TBC1D8: variants seen among roughly 807,000 people sequenced by gnomAD.
TBC1D8 encodes the protein BUB2-like protein 1.
TBC1D8 carries 65 observed loss-of-function variants against 118.8 expected under a neutral mutation model. The observed-to-expected ratio is 0.55, with a 90% CI of 0.45 to 0.67. The LOEUF (loss-of-function observed/expected upper bound fraction) is 0.67, where lower values mean the gene tolerates loss of function less well. Ranked by LOEUF, TBC1D8 falls within the 30% of genes least tolerant of loss-of-function variation. The pLI is 0.00. For synonymous variants in TBC1D8, 566 were observed against 595.8 expected, an observed-to-expected ratio of 0.95 and a Z score of 0.73; for missense variants, 1,376 against 1,471.2, an observed-to-expected ratio of 0.94 and a Z score of 1.06.
chr2:101,098,000 G>A (rs188255445), intron 1 of TBC1D8, among the ~76,000 whole-genome samples: 4 of 152,282 alleles, frequency 2.6e-5, no homozygotes, highest in Admixed American at 2.6e-4. Context: ...AGGAAGTATA[G>A]TTGACATGCT....
intron 7 of TBC1D8, 77 bp from the exon 8 acceptor site, chr2:101,037,785 T>G: frequency 6.3e-7 from 1 of 1,584,748 alleles, no homozygotes; most frequent in Non-Finnish European, 8.6e-7. Context: ...GGACAGTCTT[T>G]GTTTTGCCTT....
At chr2:101,076,336 G>A (rs1322415844) in intron 2 of TBC1D8, among the ~76,000 whole-genome samples, 1 of 152,200 alleles carries the variant, frequency 6.6e-6, no homozygotes, top group East Asian at 1.9e-4. Flanking sequence ...AAAGCTTGAT[G>A]GGGGAGAATG....
intron 17 of TBC1D8, chr2:101,019,238 A>C (rs770542725): frequency 2.8e-5 from 14 of 502,320 alleles, no homozygotes; most frequent in Non-Finnish European, 4.8e-5. Flanking sequence ...TCGACAGGCA[A>C]GTAATAAGAC....
intron 17 of TBC1D8, among the ~76,000 whole-genome samples, chr2:101,018,694 G>A (rs1679833773): frequency 6.6e-6 from 1 of 152,168 alleles, no homozygotes; most frequent in Non-Finnish European, 1.5e-5. Flanking sequence ...GATGTGAGGG[G>A]TCCTCATAGG....
chr2:101,070,909 T>C (rs1683275669), intron 2 of TBC1D8, among the ~76,000 whole-genome samples: 1 of 152,146 alleles, frequency 6.6e-6, no homozygotes, highest in Non-Finnish European at 1.5e-5. Context: ...AGGAGGTCAA[T>C]ATACATATTA....
chr2:101,078,211 T>A (rs1201170873), intron 2 of TBC1D8, among the ~76,000 whole-genome samples: 3 of 152,234 alleles, frequency 2.0e-5, no homozygotes, highest in Non-Finnish European at 4.4e-5. Flanking sequence ...CAGACAGCTC[T>A]GTACATATTA....
At chr2:101,074,909 C>T (rs1212605235) in intron 2 of TBC1D8, among the ~76,000 whole-genome samples, 1 of 152,112 alleles carries the variant, frequency 6.6e-6, no homozygotes, top group Non-Finnish European at 1.5e-5. Flanking sequence ...AATGAGCACC[C>T]CTACAGCCTA....
intron 1 of TBC1D8, among the ~76,000 whole-genome samples, chr2:101,119,393 T>A (rs1678002012): frequency 6.6e-6 from 1 of 152,186 alleles, no homozygotes; most frequent in Non-Finnish European, 1.5e-5. Flanking sequence ...CAGGAGCCTG[T>A]GCCTCCTCTT....
At chr2:101,117,924 A>C (rs1677903605) in intron 1 of TBC1D8, among the ~76,000 whole-genome samples, 1 of 139,750 alleles carries the variant, frequency 7.2e-6, no homozygotes, top group South Asian at 2.3e-4. Context: ...CCTCCTTCTA[A>C]TTTCTCCATA....
intron 2 of TBC1D8, among the ~76,000 whole-genome samples, chr2:101,088,361 C>T (rs1283752602): frequency 6.6e-6 from 1 of 151,940 alleles, no homozygotes; most frequent in Non-Finnish European, 1.5e-5. Context: ...GTGGCATAAT[C>T]TCGGCTCACT....
chr2:101,078,839 G>A (rs1675051331), intron 2 of TBC1D8, among the ~76,000 whole-genome samples: 1 of 151,208 alleles, frequency 6.6e-6, no homozygotes, highest in Non-Finnish European at 1.5e-5. Flanking sequence ...AAAATGTGGG[G>A]CAAGAAAACG....
chr2:101,058,132 A>G (rs1340910860), intron 3 of TBC1D8, among the ~76,000 whole-genome samples: 2 of 152,194 alleles, frequency 1.3e-5, no homozygotes, highest in Non-Finnish European at 2.9e-5. Flanking sequence ...AGTGAGCCAC[A>G]GTTGGCTGGG....
intron 3 of TBC1D8, among the ~76,000 whole-genome samples, chr2:101,058,021 C>A (rs1253111376): frequency 1.3e-5 from 2 of 152,166 alleles, no homozygotes; most frequent in Non-Finnish European, 2.9e-5. Context: ...AATCAAATAA[C>A]CACTACAACT....
Position 101,017,912 on chromosome 2 carries a change from G to A in TBC1D8, c.2827+3769C>T, listed in dbSNP as rs112546591. On this transcript the variant is annotated intron_variant, in intron 17 of 19. Coordinates refer to ENST00000409318, the MANE Select transcript of TBC1D8 (RefSeq NM_001330348.2). ...AGATTGTCACCATCAGTGAGAAACC[G>A]AACAAGAAGAGGAAAGCAAATGGCA... 9.3e-4 allele frequency: 1,446 copies of A among 1,550,744 alleles called. 2 individuals carry two copies. The highest frequency in any genetic ancestry group is 2.2e-3 in the East Asian group (88 of 40,902).
chr2:101,102,225 A>G (rs1676891132), intron 1 of TBC1D8, among the ~76,000 whole-genome samples: 1 of 152,086 alleles, frequency 6.6e-6, no homozygotes, highest in Admixed American at 6.6e-5. Context: ...AGGCTGAGGC[A>G]GGCAGATGAC....
intron 2 of TBC1D8, among the ~76,000 whole-genome samples, chr2:101,065,469 T>C (rs1465857888): frequency 6.6e-6 from 1 of 152,138 alleles, no homozygotes; most frequent in Non-Finnish European, 1.5e-5. Context: ...AAATTACAAA[T>C]GAAGGAGGGA....
At position 101,054,317 on chromosome 2, in the gene TBC1D8, G is replaced by C. The variant is rs1213428953; in HGVS notation, c.422C>G (p.Thr141Ser). 1.3e-6 allele frequency: 2 copies of C among 1,566,664 alleles called. No individual in the cohort carries two copies. Among genetic ancestry groups the C allele is most frequent in the Admixed American group, 1.9e-5 (1 of 52,944 alleles). The change falls in exon 4 of 20, where the codon ACC (threonine) becomes AGC (serine). Residue 141 changes from threonine to serine, a missense_variant. Physicochemically the swap from Thr to Ser is moderately conservative, Grantham distance 58 (BLOSUM62 1). Coordinates refer to ENST00000409318, the MANE Select transcript of TBC1D8 (RefSeq NM_001330348.2). ...GKVKALIAEE[T>S]SSRLAEQEEE... ...CTCCTGCTCGGCGAGCCTGCTGCTG[G>C]TCTCCTCGGCTATCAGAGCCTGACA...
intron 1 of TBC1D8, among the ~76,000 whole-genome samples, chr2:101,092,531 T>TTATA (rs1676109634): frequency 6.6e-6 from 1 of 152,190 alleles, no homozygotes; most frequent in Non-Finnish European, 1.5e-5. Context: ...ATTCTCTTAC[T>TTATA]TATATCAGTA....
chr2:101,146,170 T>C (rs1357216104), intron 1 of TBC1D8, among the ~76,000 whole-genome samples: 1 of 152,216 alleles, frequency 6.6e-6, no homozygotes, highest in African/African-American at 2.4e-5. Flanking sequence ...AGATTCATTA[T>C]TGTCCCTTTC....
Sources: gnomAD v4.1 joint callset for allele counts (sites outside exome capture counted in the v4.1 genomes callset) on GRCh38, gnomAD v4.1.1 for gene constraint, MANE v1.5 for transcripts, NCBI Gene and HGNC (gene_info 2026-07-23, HGNC 2026-07-21) for gene names.